Variants in EIF3K observed in about 807,000 individuals in gnomAD.
The protein encoded by EIF3K is eukaryotic translation initiation factor 3 subunit K.
EIF3K carries 27 observed loss-of-function variants against 34.2 expected under a neutral mutation model. That is an observed-to-expected ratio of 0.79 (90% confidence interval 0.58 to 1.09). The LOEUF (loss-of-function observed/expected upper bound fraction) is 1.09. EIF3K is among the 50% of genes least tolerant of loss of function. The pLI, the probability that EIF3K is intolerant of heterozygous loss-of-function variation, is 0.00. For missense variants in EIF3K, 232 were observed against 275.4 expected (o/e 0.84, Z 1.11); for synonymous variants, 105 against 105.7 (o/e 0.99, Z 0.04).
intron 7 of EIF3K, 61 bp from the exon 8 acceptor site, chr19:38,636,828 G>A: frequency 6.3e-7 from 1 of 1,595,496 alleles, no homozygotes; most frequent in Non-Finnish European, 8.6e-7. Context: ...TGCTGTAGCA[G>A]GTGGCTGGAG....
At chr19:38,622,614 C>G (rs1897334151) in intron 2 of EIF3K, among the ~76,000 whole-genome samples, 1 of 152,214 alleles carries the variant, frequency 6.6e-6, no homozygotes, top group Non-Finnish European at 1.5e-5. Context: ...AACATCTTAT[C>G]AGGAGACAGG....
chr19:38,634,006 A>G (rs1384024571), intron 6 of EIF3K, among the ~76,000 whole-genome samples: 1 of 144,384 alleles, frequency 6.9e-6, no homozygotes, highest in Non-Finnish European at 1.5e-5. Context: ...TGAACTCCTG[A>G]CCTCAAGTGA....
chr19:38,631,589 A>C (rs1462384142), intron 4 of EIF3K, among the ~76,000 whole-genome samples: 1 of 152,216 alleles, frequency 6.6e-6, no homozygotes, highest in Non-Finnish European at 1.5e-5. Flanking sequence ...TCCATTGCCC[A>C]GGGACGGGCA....
rs2232995 is a variant in EIF3K at position 38,619,222 on chromosome 19, G to A, written c.-47G>A. The A allele has an allele frequency of 3.1e-6, 5 of 1,602,018 alleles. No individual in the cohort carries two copies. The highest frequency in any genetic ancestry group is 2.7e-5 in the African/African-American group (2 of 74,826). On this transcript the variant is annotated 5_prime_UTR_variant, in exon 1 of 8. Coordinates refer to ENST00000248342, the MANE Select transcript of EIF3K (RefSeq NM_013234.4). The stretch of plus-strand genomic sequence containing the variant: ...TTCCCGTCCTTGAGGACGCCGTGCC[G>A]GGTCAGTGTTAGCCTCCAGCCCTGG...
In EIF3K at chr19:38,636,907, C is replaced by A. The variant is rs747761830; in HGVS notation, c.644C>A (p.Ala215Asp). 6.2e-7 allele frequency: 1 copy of A among 1,614,160 alleles called. No homozygotes were observed. Among genetic ancestry groups the A allele is most frequent in the Admixed American group, 1.7e-5 (1 of 60,014 alleles). ...CCCACAGGTGTGTCCAGCATCATGG[C>A]CTCCTCCCAGTAACTTCAGGTGTTT... ...IDFDSVSSIM[A>D]SSQ Residue 215 changes from alanine to aspartate, a missense_variant, in exon 8 of 8, where the codon GCC (alanine) becomes GAC (aspartate). Transcript: ENST00000248342.
chr19:38,625,019 G>A (rs2144766817), intron 3 of EIF3K, among the ~76,000 whole-genome samples: 1 of 152,288 alleles, frequency 6.6e-6, no homozygotes, highest in South Asian at 2.1e-4. Context: ...GAGTTAGGTG[G>A]AGGGGTAGGC....
intron 2 of EIF3K, among the ~76,000 whole-genome samples, chr19:38,622,546 A>G (rs913477209): frequency 2.0e-5 from 3 of 152,258 alleles, no homozygotes; most frequent in Non-Finnish European, 4.4e-5. Flanking sequence ...TCACAGGACC[A>G]CAGGATCAAA....
intron 6 of EIF3K, among the ~76,000 whole-genome samples, chr19:38,633,688 C>G (rs1976121674): frequency 7.0e-6 from 1 of 141,970 alleles, no homozygotes; most frequent in South Asian, 2.2e-4. Context: ...GAAACTCCAT[C>G]TAAAAAAAAA....
At chr19:38,628,974 G>A (rs1466805315) in intron 4 of EIF3K, among the ~76,000 whole-genome samples, 2 of 152,064 alleles carry the variant, frequency 1.3e-5, no homozygotes, top group South Asian at 2.1e-4. Context: ...TTCTTGTCTC[G>A]GGAGAAAATG....
intron 4 of EIF3K, among the ~76,000 whole-genome samples, chr19:38,628,120 T>C (rs1221351112): frequency 6.6e-6 from 1 of 151,998 alleles, no homozygotes; most frequent in Non-Finnish European, 1.5e-5. Context: ...GCCAGGCTGG[T>C]CTCGAACTAC....
At chr19:38,622,314 A>G (rs938889268) in intron 2 of EIF3K, among the ~76,000 whole-genome samples, 4 of 152,176 alleles carry the variant, frequency 2.6e-5, no homozygotes, top group Admixed American at 1.3e-4. Context: ...GGCTTGAGAA[A>G]TAGAAGGACA....
intron 1 of EIF3K, 149 bp downstream of exon 1, chr19:38,619,476 A>G (rs1975789479): frequency 2.2e-6 from 2 of 907,376 alleles, no homozygotes; most frequent in South Asian, 1.6e-5. Flanking sequence ...AAGAAACGGC[A>G]CTGAGCTGGG....
intron 4 of EIF3K, among the ~76,000 whole-genome samples, chr19:38,629,585 C>T (rs561327103): frequency 2.0e-5 from 3 of 152,308 alleles, no homozygotes; most frequent in South Asian, 2.1e-4. Context: ...TGAGCCACCA[C>T]GCCCGGCCAC....
At chr19:38,634,203 TCTC>T (rs567468324) in intron 6 of EIF3K, among the ~76,000 whole-genome samples, 22 of 146,014 alleles carry the variant, frequency 1.5e-4, no homozygotes, top group African/African-American at 5.5e-4. Context: ...TTCAAACAAT[TCTC>T]CTGCCTCAGC....
intron 7 of EIF3K, among the ~76,000 whole-genome samples, chr19:38,635,922 C>T (rs1169188271): frequency 1.3e-5 from 2 of 152,202 alleles, no homozygotes; most frequent in East Asian, 3.9e-4. Flanking sequence ...GGGTCTCCCC[C>T]ACCCGCTTGA....
At position 38,622,599 on chromosome 19, in the gene EIF3K, T is replaced by C. The variant is rs550853576; in HGVS notation, c.159-1478T>C. Among the ~76,000 whole-genome samples, 38 of 152,360 alleles carry C rather than the reference T, an allele frequency of 2.5e-4. No individual in the cohort carries two copies. The South Asian group carries it at 5.4e-3, about 22-fold the overall frequency. On this transcript the variant is annotated intron_variant, in intron 2 of 7. Coordinates refer to ENST00000248342, the MANE Select transcript of EIF3K (RefSeq NM_013234.4). The stretch of plus-strand genomic sequence containing the variant: ...AATGAAGTTTTGGGCACCACTGTCA[T>C]TGATAACATCTTATCAGGAGACAGG...
chr19:38,624,592 G>A (rs1292092737), intron 3 of EIF3K, among the ~76,000 whole-genome samples: 2 of 152,110 alleles, frequency 1.3e-5, no homozygotes. Context: ...CAAAAAATTA[G>A]CCAGGCACAG....
intron 6 of EIF3K, among the ~76,000 whole-genome samples, chr19:38,633,349 G>GA (rs1295870679): frequency 1.3e-5 from 2 of 152,050 alleles, no homozygotes; most frequent in Non-Finnish European, 2.9e-5. Flanking sequence ...AACAAAAAAA[G>GA]AAAAAATAAC....
rs757542046 is a variant in EIF3K, at chr19:38,625,988, C to T, written c.280-40C>T. On this transcript the variant is annotated intron_variant, in intron 3 of 7. Transcript: ENST00000248342. ...AGGGGTGATCTGGGGTCCAACCTTA[C>T]GCTCCGAGGCCAGTTTTCCTTAATG... 30 of 1,599,844 alleles carry T rather than the reference C, an allele frequency of 1.9e-5. No individual in the cohort carries two copies. In the Middle Eastern group the frequency reaches 6.6e-4, roughly 35 times the overall value.
Sources: allele counts gnomAD v4.1 joint callset (sites outside exome capture counted in the v4.1 genomes callset), GRCh38; gene constraint gnomAD v4.1.1; transcripts MANE v1.5; gene names NCBI Gene and HGNC (gene_info 2026-07-23, HGNC 2026-07-21).